Variants in BRCA2 observed in about 807,000 individuals in gnomAD.
BRCA2 encodes the protein breast cancer type 2 susceptibility protein.
BRCA2 carries 203 observed loss-of-function variants against 276.7 expected under a neutral mutation model. The observed-to-expected ratio is 0.73, with a 90% CI of 0.65 to 0.82. The LOEUF (loss-of-function observed/expected upper bound fraction) is 0.82, where lower values mean the gene tolerates loss of function less well. BRCA2 is among the 40% of genes least tolerant of loss of function. The pLI is 0.00. For synonymous variants in BRCA2, 1,289 were observed against 1,338.4 expected (o/e 0.96, Z 0.81); for missense variants, 3,920 against 3,915.0 (o/e 1.00, Z -0.03).
chr13:32,392,515 G>A (rs1215445215), intron 24 of BRCA2, among the ~76,000 whole-genome samples: 2 of 151,810 alleles, frequency 1.3e-5, no homozygotes, highest in Non-Finnish European at 2.9e-5. Flanking sequence ...GCTTGAACCC[G>A]GGAGGCGGGG....
At chr13:32,357,973 C>T (rs775843026) in intron 16 of BRCA2, 44 bp downstream of exon 16, 2 of 1,582,842 alleles carry the variant, frequency 1.3e-6, no homozygotes, top group Admixed American at 1.7e-5. Flanking sequence ...TATGTATTCC[C>T]TCATCCCTCT....
At chr13:32,389,817 T>C (rs999208599) in intron 24 of BRCA2, among the ~76,000 whole-genome samples, 1 of 152,198 alleles carries the variant, frequency 6.6e-6, no homozygotes, top group Non-Finnish European at 1.5e-5. Context: ...CTTATGTCAG[T>C]CAGTCCTGGT....
intron 18 of BRCA2, among the ~76,000 whole-genome samples, chr13:32,368,808 TG>T (rs869207638): frequency 3.4e-5 from 4 of 116,564 alleles, no homozygotes; most frequent in African/African-American, 9.3e-5. Flanking sequence ...GTTTTTTTTT[TG>T]GTTTTTTTTG....
At position 32,332,741 on chromosome 13, in the gene BRCA2, A is replaced by G. The variant is rs2072407964; in HGVS notation, c.1263A>G (p.Gln421=). 1 of 1,610,016 alleles carries G rather than the reference A, an allele frequency of 6.2e-7. No homozygotes were observed. The highest frequency in any genetic ancestry group is 1.3e-5 in the African/African-American group (1 of 74,710). ...TATTGCATATTTCTTCATGTGACCA[A>G]AATATTTCAGAAAAAGACCTATTAG... The part of the protein sequence containing the change: ...IPLLHISSCD[Q]NISEKDLLDT... Residue 421 remains glutamine, a synonymous_variant, in exon 10 of 27, where the codon CAA becomes CAG. Transcript: ENST00000380152.
rs1335307553 is a variant in BRCA2 at position 32,333,366 on chromosome 13, A to G, written c.1888A>G (p.Thr630Ala). 1.2e-6 allele frequency: 2 copies of G among 1,609,496 alleles called. No individual in the cohort carries two copies. Among genetic ancestry groups the G allele is most frequent in the Non-Finnish European group, 8.5e-7 (1 of 1,179,200 alleles). ...AGCAAATGCTTTTGAAGCACCACTT[A>G]CATTTGCAAATGCTGATTCAGGTAC... ...FEANAFEAPL[T>A]FANADSGLLH... Residue 630 changes from threonine to alanine, a missense_variant, in exon 10 of 27, where the codon ACA becomes GCA. By Grantham distance (58) the Thr-to-Ala change is moderately conservative (BLOSUM62 0). Coordinates refer to ENST00000380152, the MANE Select transcript of BRCA2 (RefSeq NM_000059.4).
intron 22 of BRCA2, 39 bp from the exon 23 acceptor site, chr13:32,379,711 A>T (rs2137621554): frequency 2.5e-6 from 4 of 1,586,094 alleles, no homozygotes; most frequent in Non-Finnish European, 3.5e-6. Context: ...AATGATAATC[A>T]CTTCTTCCAT....
rs397507634 is a variant in BRCA2, at chr13:32,336,967, C to A, written c.2612C>A (p.Ser871Ter). ...QKNQEETTSI[S>*]KITVNPDSEE... ...AATCAAGAAGAAACTACTTCAATTTCAAAAATAACTGTCAATCCAGACTCT... is the reference window on the plus strand; with the variant it reads ...AATCAAGAAGAAACTACTTCAATTTAAAAAATAACTGTCAATCCAGACTCT... Residue 871 changes from serine to a stop codon, truncating the protein, a stop_gained, in exon 11 of 27, where the codon TCA becomes TAA. Transcript: ENST00000380152. LOFTEE classifies it high-confidence loss of function. The A allele has an allele frequency of 6.3e-7, 1 of 1,583,684 alleles. No homozygotes were observed. Among genetic ancestry groups the A allele is most frequent in the African/African-American group, 1.4e-5 (1 of 72,776 alleles).
Position 32,370,511 on chromosome 13 carries a change from ATGT to A in BRCA2, c.8444_8446del (p.Val2815del), listed in dbSNP as rs1555287648. 5 of 1,613,968 alleles carry A rather than the reference ATGT, an allele frequency of 3.1e-6. No homozygotes were observed. Among genetic ancestry groups the A allele is most frequent in the Non-Finnish European group, 3.4e-6 (4 of 1,179,862 alleles). On this transcript the variant is annotated inframe_deletion, in exon 19 of 27. Transcript: ENST00000380152. ...TCATCGCTTTTCAGTGATGGAGGAA[ATGT>A]TGGTTGTGTTGATGTAATTATTCAA...
chr13:32,336,179 A>G, intron 10 of BRCA2, 86 bp from the exon 11 acceptor site: 1 of 1,437,390 alleles, frequency 7.0e-7, no homozygotes, highest in Non-Finnish European at 9.4e-7. Context: ...CTGTGCCCAA[A>G]CACTACCTTT....
chr13:32,379,578 A>C, intron 22 of BRCA2, 63 bp downstream of exon 22: 2 of 1,564,114 alleles, frequency 1.3e-6, no homozygotes, highest in Non-Finnish European at 1.7e-6. Context: ...CTTACTAACA[A>C]AATGATTATA....
chr13:32,323,116 AGT>A (rs1206044952), intron 3 of BRCA2, among the ~76,000 whole-genome samples: 1 of 151,726 alleles, frequency 6.6e-6, no homozygotes. Context: ...CATTCTAACA[AGT>A]GTGTAGTGGT....
In BRCA2 at chr13:32,340,646, G is replaced by A. The variant is rs369340015; in HGVS notation, c.6291G>A (p.Thr2097=). ...AGCATAGTCTTCACTATTCACCTAC[G>A]TCTAGACAAAATGTATCAAAAATAC... ...RTEHSLHYSP[T]SRQNVSKILP... is the part of the protein sequence containing the mutation. Residue 2097 remains threonine, a synonymous_variant, in exon 11 of 27, where the codon ACG becomes ACA. Transcript: ENST00000380152. The A allele has an allele frequency of 2.5e-6, 4 of 1,607,446 alleles. No homozygotes were observed. The highest frequency in any genetic ancestry group is 2.7e-5 in the African/African-American group (2 of 74,340).
rs80359088 is a variant in BRCA2, at chr13:32,332,319, G to A, written c.841G>A (p.Asp281Asn). ...TTCATTTAAAGTAAATAGCTGCAAA[G>A]ACCACATTGGAAAGTCAATGCCAAA... ...GNSFKVNSCK[D>N]HIGKSMPNVL... Residue 281 changes from aspartate to asparagine, a missense_variant, in exon 10 of 27, where the codon GAC (aspartate) becomes AAC (asparagine). Around this residue, in one of 2 missense-constraint regions of BRCA2, gnomAD observed 3,263 missense variants for 3,156.9 expected, o/e 1.03. Coordinates refer to ENST00000380152, the MANE Select transcript of BRCA2 (RefSeq NM_000059.4). 21 of 1,604,262 alleles carry A rather than the reference G, an allele frequency of 1.3e-5. No homozygotes were observed. In the African/African-American group the frequency reaches 2.7e-4, roughly 21 times the overall value.
At chr13:32,382,696 C>G (rs1275022884) in intron 24 of BRCA2, among the ~76,000 whole-genome samples, 1 of 152,106 alleles carries the variant, frequency 6.6e-6, no homozygotes, top group Non-Finnish European at 1.5e-5. Context: ...AATCAGTAGC[C>G]AGAAGGGGAA....
intron 3 of BRCA2, 137 bp from the exon 4 acceptor site, chr13:32,324,939 A>G: frequency 1.5e-6 from 1 of 664,686 alleles, no homozygotes; most frequent in South Asian, 1.7e-5. Context: ...CAGCAAACTG[A>G]AAAACCTCTT....
At chr13:32,348,881 A>G (rs942459673) in intron 13 of BRCA2, among the ~76,000 whole-genome samples, 1 of 152,254 alleles carries the variant, frequency 6.6e-6, no homozygotes, top group Non-Finnish European at 1.5e-5. Flanking sequence ...AGATAAAAAT[A>G]AAGCAGTACC....
At chr13:32,330,732 C>T (rs1394301763) in intron 8 of BRCA2, among the ~76,000 whole-genome samples, 187 bp from the exon 9 acceptor site, 3 of 152,130 alleles carry the variant, frequency 2.0e-5, no homozygotes, top group Non-Finnish European at 4.4e-5. Flanking sequence ...TCACACTACT[C>T]AGGATGACAC....
chr13:32,352,515 A>T (rs1374479971), intron 13 of BRCA2, among the ~76,000 whole-genome samples: 3 of 152,230 alleles, frequency 2.0e-5, no homozygotes, highest in African/African-American at 7.2e-5. Context: ...AACATAGAAA[A>T]ATTATCAGCT....
chr13:32,336,215 A>G (rs373368847), intron 10 of BRCA2, 50 bp from the exon 11 acceptor site: 23 of 1,552,208 alleles, frequency 1.5e-5, no homozygotes, highest in Non-Finnish European at 1.8e-5. Context: ...ATATTTAGTG[A>G]ATGTGATTGA....
Sources: allele counts gnomAD v4.1 joint callset (sites outside exome capture counted in the v4.1 genomes callset), GRCh38; gene constraint gnomAD v4.1.1; regional missense constraint gnomAD v4.1.1; transcripts MANE v1.5; gene names NCBI Gene and HGNC (gene_info 2026-07-23, HGNC 2026-07-21).